Variants in ADGRV1 observed in about 807,000 individuals in gnomAD.
ADGRV1 encodes the protein G-protein coupled receptor 98.
In ADGRV1, 359 loss-of-function variants were observed where a neutral mutation model predicts 596.2. The ratio of observed to expected loss-of-function variants is 0.60; its 90% CI spans 0.55 to 0.66. The LOEUF (loss-of-function observed/expected upper bound fraction) is 0.66, where lower values mean the gene tolerates loss of function less well. Among genes scored for constraint, ADGRV1 ranks in the 30% least tolerant of loss-of-function variants. ADGRV1 has a pLI of 0.00. For missense variants in ADGRV1, 7,274 were observed against 7,575.6 expected (o/e 0.96, Z 1.48); for synonymous variants, 2,681 against 2,679.2 (o/e 1.00, Z -0.02).
Position 90,721,513 on chromosome 5 carries a change from A to ATTAAATTAAATTAAAT in ADGRV1, c.9748+455_9748+456insTAAATTAAATTAAATT, listed in dbSNP as rs59090796. 1.3e-3 allele frequency among the ~76,000 whole-genome samples: 134 copies of ATTAAATTAAATTAAAT among 100,036 alleles called. 4 individuals carry two copies. The highest frequency in any genetic ancestry group is 6.1e-3 in the East Asian group (22 of 3,604). The allele number at this position is 100,036 out of a possible 152,430, so 65.6% of individuals were successfully genotyped here. A position where few individuals can be genotyped will look rare whatever the true frequency, so the allele number is the denominator to read the frequency against. ...AGCAAGACTTGGTCTAAAAAATAAA[A>ATTAAATTAAATTAAAT]TAAAATAAAATAAAAATAAAAATAA... On this transcript the variant is annotated intron_variant, in intron 45 of 89. Coordinates refer to ENST00000405460, the MANE Select transcript of ADGRV1 (RefSeq NM_032119.4).
chr5:90,809,246 G>A (rs1447825233), intron 73 of ADGRV1, among the ~76,000 whole-genome samples: 2 of 144,698 alleles, frequency 1.4e-5, no homozygotes, highest in African/African-American at 5.2e-5. Context: ...GTGAGCCACC[G>A]CGGCCAGGCA....
chr5:90,567,718 AAGTTTTGTC>A (rs1755824487), intron 1 of ADGRV1, among the ~76,000 whole-genome samples: 1 of 151,088 alleles, frequency 6.6e-6, no homozygotes, highest in African/African-American at 2.4e-5. Flanking sequence ...AATCTAGCCA[AAGTTTTGTC>A]AGTTTTGTTA....
intron 85 of ADGRV1, among the ~76,000 whole-genome samples, chr5:91,056,211 G>T (rs143141531): frequency 1.3e-5 from 2 of 152,158 alleles, no homozygotes; most frequent in East Asian, 1.9e-4. Context: ...CAGCTGCAGC[G>T]TTGCAGTTTT....
chr5:90,907,124 A>G (rs1455009936), intron 83 of ADGRV1, among the ~76,000 whole-genome samples: 2 of 152,204 alleles, frequency 1.3e-5, no homozygotes, highest in Non-Finnish European at 2.9e-5. Flanking sequence ...TATGGGCATT[A>G]TGAATACATT....
At chr5:91,141,785 A>C (rs1795121323) in intron 87 of ADGRV1, among the ~76,000 whole-genome samples, 1 of 152,218 alleles carries the variant, frequency 6.6e-6, no homozygotes, top group Admixed American at 6.5e-5. Flanking sequence ...TTGAAGCCAG[A>C]AACAAGAGAT....
At chr5:90,567,626 G>A (rs1693023542) in intron 1 of ADGRV1, among the ~76,000 whole-genome samples, 1 of 151,492 alleles carries the variant, frequency 6.6e-6, no homozygotes, top group African/African-American at 2.4e-5. Flanking sequence ...TATATACTCA[G>A]TTTTATTTCT....
At chr5:90,891,976 A>G (rs1030344273) in intron 83 of ADGRV1, among the ~76,000 whole-genome samples, 1 of 152,002 alleles carries the variant, frequency 6.6e-6, no homozygotes, top group Non-Finnish European at 1.5e-5. Flanking sequence ...TTATGAGTTC[A>G]GAGTAGAAAA....
chr5:90,919,081 A>G (rs541426994), intron 83 of ADGRV1, among the ~76,000 whole-genome samples: 1 of 152,330 alleles, frequency 6.6e-6, no homozygotes, highest in Non-Finnish European at 1.5e-5. Flanking sequence ...TTCAAATTAC[A>G]TGCATCCTCA....
At chr5:91,157,808 G>A (rs1463198853) in intron 89 of ADGRV1, among the ~76,000 whole-genome samples, 1 of 152,194 alleles carries the variant, frequency 6.6e-6, no homozygotes, top group Non-Finnish European at 1.5e-5. Flanking sequence ...ATCTGGGAAT[G>A]TATTCCCTTA....
chr5:90,576,229 C>T (rs983422536), intron 1 of ADGRV1, among the ~76,000 whole-genome samples: 1 of 152,048 alleles, frequency 6.6e-6, no homozygotes, highest in African/African-American at 2.4e-5. Context: ...CCGTCATTTA[C>T]ATTAGGTGTT....
chr5:90,826,559 A>G (rs1343907848), intron 76 of ADGRV1, among the ~76,000 whole-genome samples: 1 of 152,202 alleles, frequency 6.6e-6, no homozygotes, highest in African/African-American at 2.4e-5. Context: ...GAAAATAATG[A>G]ATGAGAAGTT....
At chr5:90,607,253 G>A (rs1333093203) in intron 1 of ADGRV1, among the ~76,000 whole-genome samples, 1 of 152,124 alleles carries the variant, frequency 6.6e-6, no homozygotes, top group Non-Finnish European at 1.5e-5. Context: ...ATACAGAATA[G>A]CCACTAAAGG....
At chr5:90,968,309 G>T (rs1330709021) in intron 84 of ADGRV1, among the ~76,000 whole-genome samples, 1 of 152,160 alleles carries the variant, frequency 6.6e-6, no homozygotes, top group Non-Finnish European at 1.5e-5. Context: ...TATATGGAGA[G>T]GGAAATGACC....
At chr5:90,910,149 G>A (rs994516213) in intron 83 of ADGRV1, among the ~76,000 whole-genome samples, 1 of 152,232 alleles carries the variant, frequency 6.6e-6, no homozygotes, top group Admixed American at 6.5e-5. Context: ...TTGTAAAGTG[G>A]TCAAGTGCCT....
chr5:90,891,110 GA>G (rs1014895576), intron 83 of ADGRV1, among the ~76,000 whole-genome samples: 8 of 150,114 alleles, frequency 5.3e-5, no homozygotes, highest in African/African-American at 4.9e-5. Context: ...AAAAAAGTTT[GA>G]AAAAATATGG....
At chr5:90,624,458 A>G (rs1053801975) in intron 5 of ADGRV1, among the ~76,000 whole-genome samples, 1 of 152,136 alleles carries the variant, frequency 6.6e-6, no homozygotes, top group Non-Finnish European at 1.5e-5. Context: ...TATAAGTAAC[A>G]TTTTTGGAGT....
intron 84 of ADGRV1, among the ~76,000 whole-genome samples, chr5:90,975,303 A>G (rs943528254): frequency 3.1e-4 from 47 of 152,234 alleles, no homozygotes; most frequent in African/African-American, 1.0e-3. Flanking sequence ...CGATTCCTCA[A>G]GGATCTAGAA....
At chr5:90,680,994 C>T (rs572321457) in intron 26 of ADGRV1, among the ~76,000 whole-genome samples, 1 of 152,096 alleles carries the variant, frequency 6.6e-6, no homozygotes, top group Non-Finnish European at 1.5e-5. Flanking sequence ...TCAGAAAGGT[C>T]GTGGGAGACC....
At chr5:90,769,974 C>A (rs868430360) in intron 59 of ADGRV1, among the ~76,000 whole-genome samples, 4 of 152,240 alleles carry the variant, frequency 2.6e-5, no homozygotes, top group African/African-American at 7.2e-5. Flanking sequence ...AGGTAGGTGG[C>A]AGCCAGTTAT....
Sources: gnomAD v4.1 joint callset for allele counts (sites outside exome capture counted in the v4.1 genomes callset) on GRCh38, gnomAD v4.1.1 for gene constraint, MANE v1.5 for transcripts, NCBI Gene and HGNC (gene_info 2026-07-23, HGNC 2026-07-21) for gene names.